Variants in CEP290 observed in about 807,000 individuals in gnomAD.
CEP290 encodes the protein centrosomal protein of 290 kDa.
CEP290 carries 317 observed loss-of-function variants against 344.9 expected under a neutral mutation model. That is an observed-to-expected ratio of 0.92 (90% CI 0.84 to 1.01). The LOEUF (loss-of-function observed/expected upper bound fraction) is 1.01. CEP290 is among the 50% of genes least tolerant of loss of function. The pLI, the probability that CEP290 is intolerant of heterozygous loss-of-function variation, is 0.00. For missense variants in CEP290, 2,754 were observed against 2,761.4 expected, an observed-to-expected ratio of 1.00 and a Z score of 0.06; for synonymous variants, 932 against 895.8, an observed-to-expected ratio of 1.04 and a Z score of -0.72.
Position 88,130,129 on chromosome 12 carries a change from T to C in CEP290, c.669+139A>G, listed in dbSNP as rs542848654. The stretch of plus-strand genomic sequence containing the variant: ...AAAAGTTGCAACTTCAAAGATGTAA[T>C]TTATTTCACATTTTACAAGTACATA... On this transcript the variant is annotated intron_variant, in intron 9 of 53. Coordinates refer to ENST00000552810, the MANE Select transcript of CEP290 (RefSeq NM_025114.4). The C allele has an allele frequency of 4.0e-6, 4 of 993,212 alleles. No homozygotes were observed. The African/African-American group carries it at 6.8e-5, about 17-fold the overall frequency. 61.5% of individuals were successfully genotyped at this position (993,212 alleles called of 1,614,324 possible).
At position 88,077,360 on chromosome 12, in the gene CEP290, T is replaced by C; in HGVS notation, c.5587-16A>G. ...GGGGTTTGCCCTAAAAAATAAAATG[T>C]AACTTTATATTTTTACAAATAAATG... On this transcript the variant is annotated splice_polypyrimidine_tract_variant and intron_variant, in intron 40 of 53. Coordinates refer to ENST00000552810, the MANE Select transcript of CEP290 (RefSeq NM_025114.4). 7.1e-7 allele frequency: 1 copy of C among 1,405,422 alleles called. No homozygotes were observed. The highest frequency in any genetic ancestry group is 9.5e-7 in the Non-Finnish European group (1 of 1,049,680). 87.1% of individuals were successfully genotyped at this position (1,405,422 alleles called of 1,614,324 possible).
At chr12:88,127,990 G>A (rs1049075546) in intron 11 of CEP290, among the ~76,000 whole-genome samples, 2 of 152,064 alleles carry the variant, frequency 1.3e-5, no homozygotes, top group African/African-American at 2.4e-5. Flanking sequence ...ATTCAATCTG[G>A]TAAAGACAAC....
intron 41 of CEP290, among the ~76,000 whole-genome samples, 165 bp from the exon 42 acceptor site, chr12:88,072,091 C>T (rs537945757): frequency 2.6e-5 from 4 of 152,126 alleles, no homozygotes; most frequent in African/African-American, 9.6e-5. Flanking sequence ...TTACGAAACG[C>T]TTGGAACCAG....
At chr12:88,116,816 T>C (rs1441906530) in intron 18 of CEP290, among the ~76,000 whole-genome samples, 1 of 151,228 alleles carries the variant, frequency 6.6e-6, no homozygotes, top group Non-Finnish European at 1.5e-5. Flanking sequence ...CTACTAAAAA[T>C]ACAAAAAATT....
At chr12:88,081,899 T>G (rs530443221) in intron 37 of CEP290, among the ~76,000 whole-genome samples, 64 of 152,256 alleles carry the variant, frequency 4.2e-4, no homozygotes, top group South Asian at 8.3e-4. Flanking sequence ...TGTACAAAAT[T>G]TAATAGAGTG....
chr12:88,063,911 A>T, intron 45 of CEP290, 70 bp downstream of exon 45: 1 of 1,316,598 alleles, frequency 7.6e-7, no homozygotes, highest in South Asian at 1.5e-5. Context: ...ATAAGCTAAT[A>T]AAAGTAAACA....
In CEP290 at chr12:88,111,214, T is replaced by C; in HGVS notation, c.2355A>G (p.Ile785Met). 7.2e-7 allele frequency: 1 copy of C among 1,397,014 alleles called. No homozygotes were observed. The highest frequency in any genetic ancestry group is 9.3e-7 in the Non-Finnish European group (1 of 1,071,164). 86.5% of individuals were successfully genotyped at this position (1,397,014 alleles called of 1,614,324 possible). A position where few individuals can be genotyped will look rare whatever the true frequency, so the allele number is the denominator to read the frequency against. The change falls in exon 22 of 54, where the codon ATA becomes ATG. Residue 785 changes from isoleucine (I) to methionine (M), a missense_variant. Ile to Met is a conservative substitution (Grantham distance 10). Coordinates refer to ENST00000552810, the MANE Select transcript of CEP290 (RefSeq NM_025114.4). ...AAATTTTCAATACCTGTAACAAATG[T>C]ATTAAATATTCATTCTGAGAATTAA... Reference protein sequence around the residue: ...SIINSQNEYLIHLLQELENKE... With the variant: ...SIINSQNEYLMHLLQELENKE...
chr12:88,084,671 T>G lies in CEP290; in HGVS notation c.4619A>C (p.Gln1540Pro). The stretch of plus-strand genomic sequence containing the variant: ...CCTTGCTTGCATGTTTGCAATGGTT[T>G]GATGAGCAATTTTCAATGTGTGGTG... ...KSHHTLKIAHQTIANMQARLN... is the reference protein window; with the variant it reads ...KSHHTLKIAHPTIANMQARLN... The change falls in exon 35 of 54, where the codon CAA becomes CCA. Residue 1540 changes from glutamine (Q) to proline (P), a missense_variant. Transcript: ENST00000552810. The G allele has an allele frequency of 6.2e-7, 1 of 1,613,796 alleles. No individual in the cohort carries two copies. Among genetic ancestry groups the G allele is most frequent in the Non-Finnish European group, 8.5e-7 (1 of 1,179,720 alleles).
At position 88,087,879 on chromosome 12, in the gene CEP290, T is replaced by C. The variant is rs1006145739; in HGVS notation, c.4095A>G (p.Leu1365=). ...RLQELKLNRE[L]VKDKEEIKYL... is the part of the protein sequence containing the mutation. ...ATTTTATTTCTTCTTTATCCTTGACTAATTCCCGATTTAGTTTAAGTTCTT... is the reference window on the plus strand; with the variant it reads ...ATTTTATTTCTTCTTTATCCTTGACCAATTCCCGATTTAGTTTAAGTTCTT... Residue 1365 remains leucine, a synonymous_variant, in exon 32 of 54, where the codon TTA becomes TTG. Coordinates refer to ENST00000552810, the MANE Select transcript of CEP290 (RefSeq NM_025114.4). The C allele has an allele frequency of 2.4e-6, 3 of 1,234,010 alleles. No individual in the cohort carries two copies. The Admixed American group carries it at 1.2e-4, about 50-fold the overall frequency. The allele number at this position is 1,234,010 out of a possible 1,614,324, so 76.4% of individuals were successfully genotyped here.
intron 51 of CEP290, 133 bp downstream of exon 51, chr12:88,054,207 G>A: frequency 3.3e-6 from 2 of 610,856 alleles, no homozygotes; most frequent in East Asian, 5.9e-5. Flanking sequence ...GAAGAAATAA[G>A]GACCTAATAA....
intron 39 of CEP290, among the ~76,000 whole-genome samples, chr12:88,078,121 G>GAA (rs757337419): frequency 5.4e-5 from 6 of 111,474 alleles, no homozygotes; most frequent in East Asian, 2.7e-4. Flanking sequence ...TCGACTTTGA[G>GAA]AAAAAAAAAA....
rs137852832 is a variant in CEP290, at chr12:88,077,263, C to A, written c.5668G>T (p.Gly1890Ter). The A allele has an allele frequency of 1.4e-4, 217 of 1,605,376 alleles. No individual in the cohort carries two copies. The highest frequency in any genetic ancestry group is 2.1e-4 in the South Asian group (19 of 89,276). The change falls in exon 41 of 54, where the codon GGA (glycine) becomes TGA (stop). Residue 1890 changes from glycine to a stop codon, truncating the protein, a stop_gained. Coordinates refer to ENST00000552810, the MANE Select transcript of CEP290 (RefSeq NM_025114.4). LOFTEE classifies it high-confidence loss of function. Reference sequence around the variant, plus strand: ...TTTAGGTCTACTTCCTCCACCTTTCCCTCTAATTGGTTCTCTAGTTTTTTA... The same window carrying A: ...TTTAGGTCTACTTCCTCCACCTTTCACTCTAATTGGTTCTCTAGTTTTTTA... ...KVKKLENQLE[G>*]KVEEVDLKPM...
chr12:88,079,103 T>C lies in CEP290; in HGVS notation c.5353A>G (p.Arg1785Gly), dbSNP rs781756603. 1.9e-6 allele frequency: 3 copies of C among 1,590,396 alleles called. No homozygotes were observed. The highest frequency in any genetic ancestry group is 2.3e-5 in the East Asian group (1 of 43,694). ...GTGTTGATGTTCACCTTTAGCTCTC[T>C]AGTATGTCGATCAACGATTTGTTGA... Reference protein sequence around the residue: ...NVQQIVDRHTRELKTQVEDLN... With the variant: ...NVQQIVDRHTGELKTQVEDLN... Residue 1785 changes from arginine to glycine, a missense_variant, in exon 39 of 54, where the codon AGA becomes GGA. By Grantham distance (125) the Arg-to-Gly change is moderately radical (BLOSUM62 -2). Coordinates refer to ENST00000552810, the MANE Select transcript of CEP290 (RefSeq NM_025114.4).
intron 52 of CEP290, among the ~76,000 whole-genome samples, chr12:88,050,814 C>T (rs2033431479): frequency 6.6e-6 from 1 of 152,156 alleles, no homozygotes; most frequent in African/African-American, 2.4e-5. Flanking sequence ...CAAATGCTCC[C>T]GCTATCCAAC....
chr12:88,050,056 C>CA (rs146040410), intron 53 of CEP290: 711 of 211,494 alleles, frequency 3.4e-3, no homozygotes, highest in Middle Eastern at 0.012. Context: ...AAAAGAATTT[C>CA]AAAAAAAAAA....
rs747852436 is a variant in CEP290, at chr12:88,083,189, C to T, written c.4854G>A (p.Lys1618=). ...KQSPTPVPTN[K]HFIRLAEMEQ... ...CCATCTCAGCCAGACGAATAAAATG[C>T]TTGTTGGTAGGAACTGGAGTGGGAG... is the stretch of plus-strand genomic sequence containing the variant. The change falls in exon 37 of 54, where the codon AAG becomes AAA. Residue 1618 remains lysine, a synonymous_variant. Coordinates refer to ENST00000552810, the MANE Select transcript of CEP290 (RefSeq NM_025114.4). 3 of 1,527,698 alleles carry T rather than the reference C, an allele frequency of 2.0e-6. No individual in the cohort carries two copies. Among genetic ancestry groups the T allele is most frequent in the Admixed American group, 4.5e-5 (2 of 44,282 alleles). 94.6% of individuals were successfully genotyped at this position (1,527,698 alleles called of 1,614,324 possible).
At chr12:88,059,325 G>A (rs1374876363) in intron 48 of CEP290, among the ~76,000 whole-genome samples, 2 of 152,136 alleles carry the variant, frequency 1.3e-5, no homozygotes, top group East Asian at 3.9e-4. Context: ...CTTTACACAT[G>A]TAAAAGATTC....
intron 44 of CEP290, among the ~76,000 whole-genome samples, chr12:88,066,153 T>A (rs557132865): frequency 6.6e-6 from 1 of 152,354 alleles, no homozygotes; most frequent in African/African-American, 2.4e-5. Flanking sequence ...GTGACTGGAA[T>A]ATCTCAGGTG....
intron 29 of CEP290, among the ~76,000 whole-genome samples, chr12:88,092,085 A>G (rs1378463338): frequency 2.0e-5 from 3 of 152,056 alleles, no homozygotes; most frequent in Non-Finnish European, 4.4e-5. Flanking sequence ...GCCAGCACGC[A>G]GTATTTACTC....
Sources: gnomAD v4.1 joint callset for allele counts (sites outside exome capture counted in the v4.1 genomes callset) on GRCh38, gnomAD v4.1.1 for gene constraint, MANE v1.5 for transcripts, NCBI Gene and HGNC (gene_info 2026-07-23, HGNC 2026-07-21) for gene names.